Variants in SPATA18 observed in about 807,000 individuals in gnomAD.
The protein encoded by SPATA18 is spermatogenesis associated 18.
SPATA18 carries 54 observed loss-of-function variants against 68.1 expected under a neutral mutation model. The observed-to-expected ratio is 0.79, with a 90% CI of 0.64 to 0.99. The LOEUF is 0.99. SPATA18 is among the 50% of genes least tolerant of loss of function. SPATA18 has a pLI of 0.00. For missense variants in SPATA18, 724 were observed against 681.1 expected (o/e 1.06, Z -0.70); for synonymous variants, 242 against 244.8 (o/e 0.99, Z 0.11).
intron 2 of SPATA18, 42 bp from the exon 3 acceptor site, chr4:52,060,740 G>C: frequency 6.5e-7 from 1 of 1,527,290 alleles, no homozygotes; most frequent in Non-Finnish European, 9.1e-7. Flanking sequence ...CATGTGCCAT[G>C]TTGGTGTGCT....
intron 7 of SPATA18, 24 bp from the exon 8 acceptor site, chr4:52,078,711 A>T (rs1740629809): frequency 1.3e-6 from 2 of 1,502,374 alleles, no homozygotes; most frequent in East Asian, 4.7e-5. Flanking sequence ...TCACCAAATA[A>T]ATTTGCTGCA....
chr4:52,061,487 A>AAATAATAATAATAAT (rs3050629), intron 3 of SPATA18, among the ~76,000 whole-genome samples: 7,340 of 143,474 alleles, frequency 0.051, 207 homozygotes, highest in Non-Finnish European at 0.066. Flanking sequence ...CCTAAAGTAA[A>AAATAATAATAATAAT]AATAATAATA....
intron 1 of SPATA18, among the ~76,000 whole-genome samples, chr4:52,052,393 T>C (rs1403248290): frequency 6.6e-6 from 1 of 152,176 alleles, no homozygotes; most frequent in Non-Finnish European, 1.5e-5. Context: ...TTCCAGGCAT[T>C]TGTGAGAAGC....
chr4:52,084,817 A>G, intron 10 of SPATA18, 99 bp from the exon 11 acceptor site: 2 of 1,170,650 alleles, frequency 1.7e-6, no homozygotes, highest in East Asian at 2.4e-5. Flanking sequence ...TAATCACATA[A>G]GTAAAACTCT....
rs138023861 is a variant in SPATA18, at chr4:52,081,542, G to A, written c.1356-845G>A. ...ACCTTTTAAAGAAAGTGAACTGACT[G>A]GCCTAGAGGGACTAACACCCTTTTT... On this transcript the variant is annotated intron_variant, in intron 9 of 12. Coordinates refer to ENST00000295213, the MANE Select transcript of SPATA18 (RefSeq NM_145263.4). 3.0e-3 allele frequency among the ~76,000 whole-genome samples: 457 copies of A among 152,218 alleles called. 3 individuals are homozygous for A. The highest frequency in any genetic ancestry group is 0.01 in the African/African-American group (429 of 41,540).
intron 1 of SPATA18, 97 bp downstream of exon 1, chr4:52,051,888 TG>T: frequency 8.8e-7 from 1 of 1,136,656 alleles, no homozygotes; most frequent in Admixed American, 1.8e-5. Context: ...GTGGCCACTT[TG>T]CAAAGCCTCC....
At position 52,084,908 on chromosome 4, in the gene SPATA18, T is replaced by G. The variant is rs761709937; in HGVS notation, c.1480-8T>G. ...ACTATGTCTCTCTCTTTCTCTCTCT[T>G]TTTTAAGTGGAATTCGGTGCGATCT... On this transcript the variant is annotated splice_region_variant and splice_polypyrimidine_tract_variant and intron_variant, in intron 10 of 12. Transcript: ENST00000295213. The G allele has an allele frequency of 1.2e-6, 2 of 1,613,908 alleles. No homozygotes were observed. The highest frequency in any genetic ancestry group is 1.7e-6 in the Non-Finnish European group (2 of 1,179,868).
At chr4:52,075,625 C>A (rs1197929279) in intron 6 of SPATA18, among the ~76,000 whole-genome samples, 2 of 152,180 alleles carry the variant, frequency 1.3e-5, no homozygotes, top group Non-Finnish European at 2.9e-5. Context: ...TCTCAGATGG[C>A]TCCTGAGTGA....
At chr4:52,063,574 G>T (rs1022392952) in intron 4 of SPATA18, among the ~76,000 whole-genome samples, 1 of 152,102 alleles carries the variant, frequency 6.6e-6, no homozygotes, top group African/African-American at 2.4e-5. Flanking sequence ...CCACTTCAAG[G>T]TCACACAGTC....
Position 52,082,409 on chromosome 4 carries a change from G to A in SPATA18, c.1378G>A (p.Asp460Asn). 1 of 1,613,978 alleles carries A rather than the reference G, an allele frequency of 6.2e-7. No homozygotes were observed. The highest frequency in any genetic ancestry group is 8.5e-7 in the Non-Finnish European group (1 of 1,179,952). The change falls in exon 10 of 13, where the codon GAT becomes AAT. Residue 460 changes from aspartate (D) to asparagine (N), a missense_variant. Asp to Asn is a conservative substitution (Grantham distance 23, BLOSUM62 1). Transcript: ENST00000295213. ...DCKYRRSYDS[D>N]FTAPLVLYHV... ...CAGATACCGCCGCAGCTACGACTCG[G>A]ATTTCACTGCTCCCTTAGTCCTCTA...
Position 52,069,934 on chromosome 4 carries a change from G to C in SPATA18, c.518+18G>C, listed in dbSNP as rs1186481280. 1 of 1,557,804 alleles carries C rather than the reference G, an allele frequency of 6.4e-7. No individual in the cohort carries two copies. Among genetic ancestry groups the C allele is most frequent in the Non-Finnish European group, 8.7e-7 (1 of 1,144,122 alleles). On this transcript the variant is annotated intron_variant, in intron 5 of 12. Transcript: ENST00000295213. ...AAAAAGCAGTAAGAAAAAAATTACA[G>C]GATTATTGCAGCCTAAATCATTGAA...
Position 52,096,866 on chromosome 4 carries a change from C to A in SPATA18, c.*1979C>A, listed in dbSNP as rs537043510. 6.6e-6 allele frequency: 1 copy of A among 152,104 alleles called. No individual in the cohort carries two copies. The highest frequency in any genetic ancestry group is 2.4e-5 in the African/African-American group (1 of 41,508). The allele number at this position is 152,104 out of a possible 1,614,324, so 9.4% of individuals were successfully genotyped here. A position where few individuals can be genotyped will look rare whatever the true frequency, so the allele number is the denominator to read the frequency against. On this transcript the variant is annotated 3_prime_UTR_variant, in exon 13 of 13. Transcript: ENST00000295213. ...TATGCAACAGTTACTGTGTGTTATA[C>A]GTTGAAAGGTCTTCACTAATATCTC...
At chr4:52,089,332 G>C (rs1267326537) in intron 11 of SPATA18, among the ~76,000 whole-genome samples, 6 of 152,070 alleles carry the variant, frequency 3.9e-5, no homozygotes, top group African/African-American at 1.4e-4. Context: ...GCTAGCTTTT[G>C]AATTTGTTTG....
chr4:52,087,651 C>T (rs191789364), intron 11 of SPATA18, among the ~76,000 whole-genome samples: 17 of 152,092 alleles, frequency 1.1e-4, no homozygotes, highest in Non-Finnish European at 8.8e-5. Flanking sequence ...GTACAAGTAC[C>T]ATGCTGTTTT....
At chr4:52,073,292 C>T (rs1400012331) in intron 6 of SPATA18, among the ~76,000 whole-genome samples, 1 of 152,182 alleles carries the variant, frequency 6.6e-6, no homozygotes, top group Non-Finnish European at 1.5e-5. Flanking sequence ...TTTGCAATAC[C>T]TTTTGCCAGG....
intron 11 of SPATA18, among the ~76,000 whole-genome samples, chr4:52,092,531 GGCTACA>G (rs1367870574): frequency 6.6e-6 from 1 of 152,126 alleles, no homozygotes; most frequent in Non-Finnish European, 1.5e-5. Flanking sequence ...GCCCTCCATG[GGCTACA>G]CCCTCTGTCC....
intron 6 of SPATA18, among the ~76,000 whole-genome samples, chr4:52,072,602 C>T (rs1364077396): frequency 6.6e-6 from 1 of 152,124 alleles, no homozygotes; most frequent in East Asian, 1.9e-4. Context: ...GATGCGGGTT[C>T]ACCATGTTGG....
chr4:52,085,625 G>A (rs1017747469), intron 11 of SPATA18, among the ~76,000 whole-genome samples: 1 of 152,142 alleles, frequency 6.6e-6, no homozygotes, highest in Non-Finnish European at 1.5e-5. Flanking sequence ...CACTTTCAGA[G>A]GCTGAGGTGG....
intron 9 of SPATA18, 127 bp downstream of exon 9, chr4:52,080,046 C>T: frequency 1.0e-6 from 1 of 1,000,256 alleles, no homozygotes; most frequent in East Asian, 2.5e-5. Context: ...GATTTTCAGG[C>T]CCTACCATAT....
Sources: allele counts gnomAD v4.1 joint callset (sites outside exome capture counted in the v4.1 genomes callset), GRCh38; gene constraint gnomAD v4.1.1; transcripts MANE v1.5; gene names NCBI Gene and HGNC (gene_info 2026-07-23, HGNC 2026-07-21).